MYO10: variants seen among roughly 807,000 people sequenced by gnomAD.
MYO10 encodes the protein unconventional myosin-X.
Under a neutral mutation model 257.3 loss-of-function variants are expected in MYO10, and 133 were observed. The ratio of observed to expected loss-of-function variants is 0.52; its 90% CI spans 0.45 to 0.60. The LOEUF is 0.60. Among genes scored for constraint, MYO10 ranks in the 20% least tolerant of loss-of-function variants. The pLI is 0.00. For synonymous variants in MYO10, 1,104 were observed against 1,028.6 expected (o/e 1.07, Z -1.40); for missense variants, 2,399 against 2,635.7 (o/e 0.91, Z 1.97).
chr5:16,675,574 T>C (rs544645047), intron 34 of MYO10, among the ~76,000 whole-genome samples: 1 of 152,056 alleles, frequency 6.6e-6, no homozygotes, highest in East Asian at 1.9e-4. Context: ...CCTGTCTCTA[T>C]TAAAAATTCA....
In MYO10 at chr5:16,668,269, C is replaced by A; in HGVS notation, c.6075+8G>T. ...TGAATAAAAAGATGAACTTGCTTTG[C>A]CTCTTACCTCACTGGTTTCAAAGAG... On this transcript the variant is annotated splice_region_variant and intron_variant, in intron 40 of 40. Transcript: ENST00000513610. 1 of 1,604,758 alleles carries A rather than the reference C, an allele frequency of 6.2e-7. No homozygotes were observed. Among genetic ancestry groups the A allele is most frequent in the Non-Finnish European group, 8.5e-7 (1 of 1,176,268 alleles).
At chr5:16,750,400 C>T (rs1277039568) in intron 19 of MYO10, among the ~76,000 whole-genome samples, 1 of 151,676 alleles carries the variant, frequency 6.6e-6, no homozygotes, top group Admixed American at 6.6e-5. Flanking sequence ...CATAGAAAAC[C>T]CAAATTAAAA....
chr5:16,758,269 C>T, intron 17 of MYO10, 43 bp from the exon 18 acceptor site: 1 of 1,306,214 alleles, frequency 7.7e-7, no homozygotes, highest in Non-Finnish European at 1.1e-6. Context: ...CACACACACC[C>T]ATTATTAGGT....
chr5:16,749,532 G>A (rs1740321819), intron 19 of MYO10, among the ~76,000 whole-genome samples: 1 of 151,916 alleles, frequency 6.6e-6, no homozygotes, highest in African/African-American at 2.4e-5. Context: ...GGCTGCTTGT[G>A]CTAGAGGCCT....
intron 4 of MYO10, among the ~76,000 whole-genome samples, chr5:16,792,112 C>CACACACACACACATACAT (rs1741776594): frequency 2.6e-5 from 2 of 76,866 alleles, no homozygotes; most frequent in Non-Finnish European, 3.0e-5. Flanking sequence ...CACATACATA[C>CACACACACACACATACAT]ACACACACAC....
chr5:16,833,270 G>A (rs1743211947), intron 2 of MYO10, among the ~76,000 whole-genome samples: 1 of 151,068 alleles, frequency 6.6e-6, no homozygotes, highest in Admixed American at 6.6e-5. Flanking sequence ...CTGGAGTGCA[G>A]TGGCATGATC....
intron 27 of MYO10, among the ~76,000 whole-genome samples, chr5:16,690,617 C>T (rs1470208547): frequency 6.6e-6 from 1 of 151,998 alleles, no homozygotes; most frequent in Non-Finnish European, 1.5e-5. Context: ...TCCTTTGGAC[C>T]CTTTCTCAAA....
chr5:16,710,231 C>T (rs1220824948), intron 21 of MYO10, among the ~76,000 whole-genome samples: 2 of 152,114 alleles, frequency 1.3e-5, no homozygotes, highest in Non-Finnish European at 2.9e-5. Context: ...TGTGACAAGT[C>T]ATTGAAGGTG....
chr5:16,901,864 G>A (rs1367459123), intron 1 of MYO10, among the ~76,000 whole-genome samples: 1 of 152,092 alleles, frequency 6.6e-6, no homozygotes, highest in Non-Finnish European at 1.5e-5. Flanking sequence ...GCACGTTCTA[G>A]AGCCAGACCA....
Position 16,891,379 on chromosome 5 carries a change from GGAGA to G in MYO10, c.22-13676_22-13673del, listed in dbSNP as rs144143593. On this transcript the variant is annotated intron_variant, in intron 1 of 40. Transcript: ENST00000513610. ...AGGAAGGAAGGAAGGAAGGAAGGAA[GGAGA>G]GAGAGAGGAAGGAGGAAGGAGGGGC... 3.3e-3 allele frequency among the ~76,000 whole-genome samples: 362 copies of G among 110,036 alleles called. 5 individuals are homozygous for G. The highest frequency in any genetic ancestry group is 0.021 in the Admixed American group (237 of 11,270). The allele number at this position is 110,036 out of a possible 152,430, so 72.2% of individuals were successfully genotyped here.
At chr5:16,822,334 T>G (rs1397676866) in intron 2 of MYO10, among the ~76,000 whole-genome samples, 2 of 152,120 alleles carry the variant, frequency 1.3e-5, no homozygotes, top group African/African-American at 4.8e-5. Context: ...AAATCACTCA[T>G]TCAAGCAAAT....
intron 2 of MYO10, among the ~76,000 whole-genome samples, chr5:16,859,111 T>TACCC (rs1744042646): frequency 6.6e-6 from 1 of 152,140 alleles, no homozygotes; most frequent in Non-Finnish European, 1.5e-5. Flanking sequence ...AGGGCAGGGG[T>TACCC]ACCCCTGGAG....
chr5:16,799,421 C>T (rs556509643), intron 3 of MYO10, among the ~76,000 whole-genome samples: 3 of 152,070 alleles, frequency 2.0e-5, no homozygotes, highest in African/African-American at 7.2e-5. Flanking sequence ...CAACTAGAGA[C>T]AACATATGCA....
chr5:16,936,041 A>G lies in MYO10; in HGVS notation c.-233T>C. The stretch of plus-strand genomic sequence containing the variant: ...GGCAGCCTTTGTCTCTTCTTCCTCC[A>G]AGTTCCTCACTACTGGGCGCAGCGC... On this transcript the variant is annotated 5_prime_UTR_variant, in exon 1 of 41. Transcript: ENST00000513610. 1 of 581,178 alleles carries G rather than the reference A, an allele frequency of 1.7e-6. No homozygotes were observed. The highest frequency in any genetic ancestry group is 3.0e-5 in the Admixed American group (1 of 33,442). 36.0% of individuals were successfully genotyped at this position (581,178 alleles called of 1,614,324 possible). A position where few individuals can be genotyped will look rare whatever the true frequency, so the allele number is the denominator to read the frequency against.
intron 19 of MYO10, among the ~76,000 whole-genome samples, chr5:16,724,603 G>A (rs899900734): frequency 6.6e-6 from 1 of 152,028 alleles, no homozygotes; most frequent in East Asian, 1.9e-4. Context: ...CGACTGGAAT[G>A]TGTTTCTATG....
intron 19 of MYO10, among the ~76,000 whole-genome samples, chr5:16,713,994 C>G (rs1180973613): frequency 6.6e-6 from 1 of 152,170 alleles, no homozygotes; most frequent in Non-Finnish European, 1.5e-5. Context: ...ATTACAGTCA[C>G]TTGATCCATT....
rs114298851 is a variant in MYO10, at chr5:16,682,782, G to A, written c.4047-769C>T. Among the ~76,000 whole-genome samples the A allele has an allele frequency of 8.3e-3, 1,263 of 151,998 alleles. 18 individuals carry two copies. The highest frequency in any genetic ancestry group is 0.029 in the African/African-American group (1,201 of 41,460). On this transcript the variant is annotated intron_variant, in intron 30 of 40. Transcript: ENST00000513610. ...GCTATGCAAACAGGCTAAACTTGAG[G>A]TGCCCCTTAAAAATAAAAAATAAAA... is the stretch of plus-strand genomic sequence containing the variant.
chr5:16,872,445 C>G (rs1032854322), intron 2 of MYO10, among the ~76,000 whole-genome samples: 24 of 152,132 alleles, frequency 1.6e-4, no homozygotes, highest in African/African-American at 4.8e-4. Flanking sequence ...TTCTTGAGAT[C>G]TGCCACACAA....
chr5:16,920,262 T>C (rs1483615721), intron 1 of MYO10, among the ~76,000 whole-genome samples: 1 of 152,072 alleles, frequency 6.6e-6, no homozygotes, highest in Non-Finnish European at 1.5e-5. Flanking sequence ...TGACAGAGCA[T>C]GACTCCATCT....
Sources: allele counts gnomAD v4.1 joint callset (sites outside exome capture counted in the v4.1 genomes callset), GRCh38; gene constraint gnomAD v4.1.1; transcripts MANE v1.5; gene names NCBI Gene and HGNC (gene_info 2026-07-23, HGNC 2026-07-21).